Variants in INPP4B observed in about 807,000 individuals in gnomAD.
The protein encoded by INPP4B is inositol polyphosphate-4-phosphatase type II B, also known as inositol polyphosphate 4-phosphatase type II.
INPP4B carries 55 observed loss-of-function variants against 122.5 expected under a neutral mutation model. The ratio of observed to expected loss-of-function variants is 0.45; its 90% CI spans 0.36 to 0.56. The LOEUF is 0.56. Among genes scored for constraint, INPP4B ranks in the 20% least tolerant of loss-of-function variants. The probability of loss-of-function intolerance (pLI) is 0.00; values close to 1 mark genes in which losing one functional copy is unlikely to be tolerated. For synonymous variants in INPP4B, 403 were observed against 388.7 expected, an observed-to-expected ratio of 1.04 and a Z score of -0.43; for missense variants, 1,000 against 1,097.7, an observed-to-expected ratio of 0.91 and a Z score of 1.26.
intron 2 of INPP4B, among the ~76,000 whole-genome samples, chr4:142,488,658 T>C (rs7699408): frequency 0.17 from 25,618 of 152,036 alleles, 2,411 homozygotes; most frequent in East Asian, 0.38. Context: ...AATTATAGAA[T>C]TTATTGGCCT....
intron 5 of INPP4B, among the ~76,000 whole-genome samples, chr4:142,424,046 C>T (rs1807514686): frequency 6.6e-6 from 1 of 151,922 alleles, no homozygotes; most frequent in East Asian, 1.9e-4. Context: ...GTTCCAAACA[C>T]AAACCATCTG....
intron 1 of INPP4B, among the ~76,000 whole-genome samples, chr4:142,739,242 C>A (rs960371879): frequency 1.3e-5 from 2 of 152,010 alleles, no homozygotes; most frequent in East Asian, 3.9e-4. Flanking sequence ...ATTCTAGTAC[C>A]CATATCTTGA....
chr4:142,779,860 C>T (rs1292367484), intron 1 of INPP4B, among the ~76,000 whole-genome samples: 2 of 152,028 alleles, frequency 1.3e-5, no homozygotes, highest in African/African-American at 4.8e-5. Context: ...TTTGCCATTA[C>T]TTTTGCACCA....
chr4:142,285,523 C>G (rs1375351297), intron 9 of INPP4B, among the ~76,000 whole-genome samples: 1 of 56,378 alleles, frequency 1.8e-5, no homozygotes, highest in Non-Finnish European at 2.9e-5. Flanking sequence ...TGTCTGAGGC[C>G]ATGAGGCTCA....
chr4:142,269,856 T>G (rs1043000929), intron 10 of INPP4B, among the ~76,000 whole-genome samples: 2 of 152,160 alleles, frequency 1.3e-5, no homozygotes, highest in Non-Finnish European at 2.9e-5. Flanking sequence ...TTAAAAATAA[T>G]TTTTTAAAAT....
chr4:142,224,957 G>A (rs544614644), intron 12 of INPP4B, among the ~76,000 whole-genome samples: 4 of 152,160 alleles, frequency 2.6e-5, no homozygotes, highest in South Asian at 2.1e-4. Context: ...CTAAAGTGAC[G>A]GTTAACATTA....
At chr4:142,676,920 A>T (rs1047804068) in intron 2 of INPP4B, among the ~76,000 whole-genome samples, 15 of 152,206 alleles carry the variant, frequency 9.9e-5, no homozygotes, top group African/African-American at 3.6e-4. Flanking sequence ...ACCATTTAGG[A>T]CATAGGCATG....
intron 2 of INPP4B, among the ~76,000 whole-genome samples, chr4:142,500,339 G>A (rs1823208268): frequency 6.6e-6 from 1 of 152,180 alleles, no homozygotes; most frequent in South Asian, 2.1e-4. Flanking sequence ...GACATTACAA[G>A]AGGCTTGAAA....
At chr4:142,559,186 A>G (rs1428385929) in intron 2 of INPP4B, among the ~76,000 whole-genome samples, 1 of 152,176 alleles carries the variant, frequency 6.6e-6, no homozygotes, top group African/African-American at 2.4e-5. Flanking sequence ...AAACAAAGTG[A>G]TTTGCAATAA....
intron 1 of INPP4B, among the ~76,000 whole-genome samples, chr4:142,783,333 C>A (rs1235613628): frequency 2.6e-5 from 4 of 152,056 alleles, no homozygotes; most frequent in Non-Finnish European, 4.4e-5. Flanking sequence ...AAACAAACAA[C>A]CCCTTCAAAA....
At chr4:142,520,057 T>C (rs1007637618) in intron 2 of INPP4B, among the ~76,000 whole-genome samples, 25 of 152,200 alleles carry the variant, frequency 1.6e-4, no homozygotes, top group African/African-American at 4.8e-4. Flanking sequence ...ATTAAAGGTA[T>C]TAAATTATAT....
At chr4:142,148,058 C>A (rs765732615) in intron 17 of INPP4B, among the ~76,000 whole-genome samples, 1 of 152,066 alleles carries the variant, frequency 6.6e-6, no homozygotes, top group African/African-American at 2.4e-5. Context: ...TCACTACCAC[C>A]GACTGCATTT....
chr4:142,103,164 C>T (rs1019914621), intron 23 of INPP4B, among the ~76,000 whole-genome samples: 5 of 152,030 alleles, frequency 3.3e-5, no homozygotes, highest in African/African-American at 9.7e-5. Context: ...CTTTCATCCT[C>T]ATTCTTCTTT....
intron 2 of INPP4B, among the ~76,000 whole-genome samples, chr4:142,622,933 A>G (rs1389539251): frequency 1.3e-5 from 2 of 151,972 alleles, no homozygotes; most frequent in Non-Finnish European, 2.9e-5. Flanking sequence ...ACCTCAATCA[A>G]TTAAAAAATT....
intron 7 of INPP4B, among the ~76,000 whole-genome samples, chr4:142,323,880 A>G (rs1357282443): frequency 6.6e-6 from 1 of 152,000 alleles, no homozygotes; most frequent in Non-Finnish European, 1.5e-5. Context: ...CAATCAAGTC[A>G]GAGATTGATC....
intron 15 of INPP4B, among the ~76,000 whole-genome samples, chr4:142,180,324 CA>C (rs918619760): frequency 1.3e-5 from 2 of 151,278 alleles, no homozygotes; most frequent in African/African-American, 4.9e-5. Flanking sequence ...AATAAGAATA[CA>C]AAAAAAACAG....
At chr4:142,158,218 CT>C (rs1818229965) in intron 17 of INPP4B, among the ~76,000 whole-genome samples, 1 of 152,144 alleles carries the variant, frequency 6.6e-6, no homozygotes, top group Non-Finnish European at 1.5e-5. Flanking sequence ...ACCACATCTT[CT>C]TTCTTGAATG....
At chr4:142,154,411 G>C (rs912376022) in intron 17 of INPP4B, among the ~76,000 whole-genome samples, 1 of 152,100 alleles carries the variant, frequency 6.6e-6, no homozygotes, top group Non-Finnish European at 1.5e-5. Flanking sequence ...GGTCATCACT[G>C]ATTTTCTGTG....
chr4:142,310,346 G>T (rs967399727), intron 8 of INPP4B, among the ~76,000 whole-genome samples: 6 of 151,692 alleles, frequency 4.0e-5, no homozygotes, highest in Admixed American at 1.3e-4. Flanking sequence ...TTAAACTTTG[G>T]AATAATATTT....
Sources: gnomAD v4.1 joint callset for allele counts (sites outside exome capture counted in the v4.1 genomes callset) on GRCh38, gnomAD v4.1.1 for gene constraint, MANE v1.5 for transcripts, NCBI Gene and HGNC (gene_info 2026-07-23, HGNC 2026-07-21) for gene names.